Variants in ARHGEF3 observed in about 807,000 individuals in gnomAD.
ARHGEF3 encodes the protein 59.8 kDA protein.
ARHGEF3 carries 28 observed loss-of-function variants against 63.2 expected under a neutral mutation model. That is an observed-to-expected ratio of 0.44 (90% CI 0.33 to 0.61). ARHGEF3 has a LOEUF of 0.61. ARHGEF3 is among the 20% of genes least tolerant of loss of function. ARHGEF3 has a pLI of 0.03. For synonymous variants in ARHGEF3, 266 were observed against 254.2 expected (o/e 1.05, Z -0.44); for missense variants, 533 against 659.3 (o/e 0.81, Z 2.10).
intron 1 of ARHGEF3, among the ~76,000 whole-genome samples, chr3:57,039,026 A>G (rs1286149981): frequency 6.6e-6 from 1 of 152,192 alleles, no homozygotes; most frequent in Non-Finnish European, 1.5e-5. Context: ...TACAAAGATG[A>G]GATAAGCGCT....
intron 8 of ARHGEF3, among the ~76,000 whole-genome samples, chr3:56,733,677 C>T (rs1027567271): frequency 6.6e-6 from 1 of 151,850 alleles, no homozygotes; most frequent in African/African-American, 2.4e-5. Flanking sequence ...GAGTATGCTG[C>T]CACAGCCACA....
At chr3:56,890,174 T>A (rs772015578) in intron 3 of ARHGEF3, among the ~76,000 whole-genome samples, 11 of 152,334 alleles carry the variant, frequency 7.2e-5, no homozygotes, top group Non-Finnish European at 1.2e-4. Flanking sequence ...ACTAAGAGCA[T>A]AAATGAGACA....
chr3:56,989,124 A>C (rs1021526469), intron 2 of ARHGEF3, among the ~76,000 whole-genome samples: 1 of 152,220 alleles, frequency 6.6e-6, no homozygotes, highest in Non-Finnish European at 1.5e-5. Context: ...TACTTCGTCC[A>C]TGCCTCCCGG....
chr3:56,868,798 C>T (rs554015706), intron 4 of ARHGEF3, among the ~76,000 whole-genome samples: 15 of 152,260 alleles, frequency 9.9e-5, no homozygotes, highest in African/African-American at 2.4e-4. Context: ...AGCTTAGATG[C>T]GCCTTCTCTG....
upstream of ARHGEF3, among the ~76,000 whole-genome samples, chr3:56,805,128 C>T (rs890593228): frequency 1.3e-5 from 2 of 152,180 alleles, no homozygotes. Flanking sequence ...ACCCTGGCGA[C>T]GTCTGATAGC....
intron 3 of ARHGEF3, among the ~76,000 whole-genome samples, chr3:56,912,718 T>C (rs1005498001): frequency 6.6e-6 from 1 of 152,244 alleles, no homozygotes; most frequent in African/African-American, 2.4e-5. Flanking sequence ...ATGTAATCAA[T>C]CATTTGAATA....
intron 3 of ARHGEF3, chr3:56,882,445 C>A (rs1364370609): frequency 1.0e-6 from 1 of 980,494 alleles, no homozygotes; most frequent in Non-Finnish European, 1.6e-6. Flanking sequence ...ATAGCACATG[C>A]AATCCTTATC....
chr3:56,742,966 A>T (rs1158927360), intron 7 of ARHGEF3, among the ~76,000 whole-genome samples: 1 of 152,236 alleles, frequency 6.6e-6, no homozygotes, highest in Non-Finnish European at 1.5e-5. Flanking sequence ...ATTAAAAAGA[A>T]ATCTTTACAG....
At chr3:56,841,622 C>CA (rs1302094618) in intron 4 of ARHGEF3, among the ~76,000 whole-genome samples, 1 of 152,186 alleles carries the variant, frequency 6.6e-6, no homozygotes, top group Non-Finnish European at 1.5e-5. Context: ...GTTTCATACT[C>CA]AGAGACCTCA....
At chr3:56,842,605 CTTT>C in intron 4 of ARHGEF3, among the ~76,000 whole-genome samples, 1 of 152,286 alleles carries the variant, frequency 6.6e-6, no homozygotes, top group Middle Eastern at 3.4e-3. Flanking sequence ...ACTCCCTCAT[CTTT>C]TCCCCTGCCC....
intron 3 of ARHGEF3, among the ~76,000 whole-genome samples, chr3:56,885,306 A>G (rs1035829919): frequency 1.3e-5 from 2 of 152,166 alleles, no homozygotes; most frequent in African/African-American, 4.8e-5. Context: ...GAGTAGAAAT[A>G]ATGCCTTCCA....
intron 1 of ARHGEF3, among the ~76,000 whole-genome samples, chr3:57,062,031 A>G (rs551117471): frequency 1.3e-5 from 2 of 152,132 alleles, no homozygotes; most frequent in Non-Finnish European, 2.9e-5. Flanking sequence ...GCTCTGGACT[A>G]AGGATCAAGT....
chr3:56,761,167 C>T (rs2035393479), intron 2 of ARHGEF3, among the ~76,000 whole-genome samples: 1 of 152,102 alleles, frequency 6.6e-6, no homozygotes, highest in African/African-American at 2.4e-5. Flanking sequence ...CCGTCTGGCC[C>T]CGGGGAAAAG....
chr3:56,995,167 G>A (rs1701920911), intron 2 of ARHGEF3, among the ~76,000 whole-genome samples: 1 of 152,028 alleles, frequency 6.6e-6, no homozygotes, highest in African/African-American at 2.4e-5. Flanking sequence ...TACAATGGCT[G>A]GGGCACAGAG....
rs5849167 is a variant in ARHGEF3 at position 56,747,064 on chromosome 3, C to CAGAGAGAG, written c.613-1610_613-1603dup. Among the ~76,000 whole-genome samples, 327 of 148,270 alleles carry CAGAGAGAG rather than the reference C, an allele frequency of 2.2e-3. 2 individuals carry two copies. Among genetic ancestry groups the CAGAGAGAG allele is most frequent in the African/African-American group, 7.4e-3 (299 of 40,150 alleles). On this transcript the variant is annotated intron_variant, in intron 6 of 9. Coordinates refer to ENST00000296315, the MANE Select transcript of ARHGEF3 (RefSeq NM_019555.3). Reference sequence around the variant, plus strand: ...ACTTATACATGCGCGCACACACACACAGAGAGAGAGAGAGAGAGAGAGAGA... The same window carrying CAGAGAGAG: ...ACTTATACATGCGCGCACACACACACAGAGAGAGAGAGAGAGAGAGAGAGAGAGAGAGA...
At chr3:56,834,325 T>C (rs747211917) in intron 4 of ARHGEF3, among the ~76,000 whole-genome samples, 2 of 152,164 alleles carry the variant, frequency 1.3e-5, no homozygotes, top group African/African-American at 4.8e-5. Flanking sequence ...GCACTAGGTA[T>C]GAAGTAGAAA....
chr3:56,862,516 C>G (rs1163025906), intron 4 of ARHGEF3, among the ~76,000 whole-genome samples: 1 of 152,158 alleles, frequency 6.6e-6, no homozygotes, highest in Non-Finnish European at 1.5e-5. Flanking sequence ...TGTTGCTCCT[C>G]TATGAGGCCA....
At chr3:56,746,031 G>C (rs1013034568) in intron 6 of ARHGEF3, among the ~76,000 whole-genome samples, 1 of 152,162 alleles carries the variant, frequency 6.6e-6, no homozygotes, top group African/African-American at 2.4e-5. Context: ...CTTCATTCTA[G>C]CAAAATGCTA....
At chr3:56,931,250 T>C (rs2042403078) in intron 3 of ARHGEF3, among the ~76,000 whole-genome samples, 2 of 152,172 alleles carry the variant, frequency 1.3e-5, no homozygotes, top group African/African-American at 4.8e-5. Context: ...ATGGGAAACA[T>C]ACTGTTGGGT....
Sources: gnomAD v4.1 joint callset for allele counts (sites outside exome capture counted in the v4.1 genomes callset) on GRCh38, gnomAD v4.1.1 for gene constraint, MANE v1.5 for transcripts, NCBI Gene and HGNC (gene_info 2026-07-23, HGNC 2026-07-21) for gene names.